The following GRIP1 variants were observed in gnomAD, a reference collection of about 807,000 sequenced individuals.
GRIP1 encodes glutamate receptor interacting protein 1.
Under a neutral mutation model 129.9 loss-of-function variants are expected in GRIP1, and 45 were observed. That is an observed-to-expected ratio of 0.35 (90% CI 0.27 to 0.44). The LOEUF (loss-of-function observed/expected upper bound fraction) is 0.44. Ranked by LOEUF, GRIP1 falls within the 20% of genes least tolerant of loss-of-function variation. GRIP1 has a pLI of 1.00. For missense variants in GRIP1, 1,196 were observed against 1,396.8 expected, an observed-to-expected ratio of 0.86 and a Z score of 2.29; for synonymous variants, 530 against 520.8, an observed-to-expected ratio of 1.02 and a Z score of -0.24.
intron 13 of GRIP1, among the ~76,000 whole-genome samples, chr12:66,443,735 C>CA (rs948052339): frequency 6.6e-6 from 1 of 152,158 alleles, no homozygotes; most frequent in African/African-American, 2.4e-5. Context: ...GGATTAAAGG[C>CA]ATGAGGTACC....
At chr12:66,698,736 C>T (rs927024117) in intron 1 of GRIP1, among the ~76,000 whole-genome samples, 1 of 152,110 alleles carries the variant, frequency 6.6e-6, no homozygotes, top group Non-Finnish European at 1.5e-5. Context: ...ATCTACCTAT[C>T]GTATCTAGCT....
intron 1 of GRIP1, among the ~76,000 whole-genome samples, chr12:66,690,665 T>C (rs1378271418): frequency 6.6e-6 from 1 of 151,094 alleles, no homozygotes; most frequent in East Asian, 2.0e-4. Flanking sequence ...CAGGAGTTTA[T>C]GACCAGCCTA....
intron 19 of GRIP1, among the ~76,000 whole-genome samples, chr12:66,381,547 T>C (rs941989799): frequency 6.6e-6 from 1 of 152,206 alleles, no homozygotes; most frequent in Admixed American, 6.5e-5. Context: ...AAAGAGCCAA[T>C]GCTAATTGGT....
At chr12:66,905,050 GTC>G (rs2040908733) in intron 1 of GRIP1, among the ~76,000 whole-genome samples, 1 of 152,190 alleles carries the variant, frequency 6.6e-6, no homozygotes, top group African/African-American at 2.4e-5. Context: ...ATATTGCTGA[GTC>G]TCTATGCATG....
rs771613471 is a variant in GRIP1, at chr12:66,371,725, A to G, written c.2981T>C (p.Ile994Thr). The G allele has an allele frequency of 2.5e-6, 4 of 1,611,604 alleles. No homozygotes were observed. The highest frequency in any genetic ancestry group is 1.7e-5 in the Admixed American group (1 of 60,002). ...LRKMKQEIKE[I>T]MSPTPVELHK... is the part of the protein sequence containing the mutation. Reference sequence around the variant, plus strand: ...CAGCTCCACAGGAGTTGGAGACATGATCTCCTTTATTTCTTGTTTCATTTT... The same window carrying G: ...CAGCTCCACAGGAGTTGGAGACATGGTCTCCTTTATTTCTTGTTTCATTTT... The change falls in exon 23 of 25, where the codon ATC (isoleucine) becomes ACC (threonine). Residue 994 changes from isoleucine to threonine, a missense_variant. Physicochemically the swap from Ile to Thr is moderately conservative, Grantham distance 89. Coordinates refer to ENST00000359742, the MANE Select transcript of GRIP1 (RefSeq NM_001366722.1).
Position 66,771,248 on chromosome 12 carries a change from T to C in GRIP1, c.-420+32805A>G, listed in dbSNP as rs1211139488. The stretch of plus-strand genomic sequence containing the variant: ...TCTCCCACTTAAATTCAGAAAATTC[T>C]TAAATTCGTTTTTAATGATGATACT... On this transcript the variant is annotated intron_variant, in intron 1 of 4. Coordinates refer to the GRIP1 transcript ENST00000538373. 3.3e-5 allele frequency among the ~76,000 whole-genome samples: 5 copies of C among 152,190 alleles called. No homozygotes were observed. In the East Asian group the frequency reaches 5.8e-4, roughly 18 times the overall value.
At chr12:67,045,863 CAT>C (rs1420222719) in intron 1 of GRIP1, among the ~76,000 whole-genome samples, 11 of 152,124 alleles carry the variant, frequency 7.2e-5, no homozygotes, top group Non-Finnish European at 1.2e-4. Flanking sequence ...AACCACATGC[CAT>C]GAGAGTGATC....
chr12:66,545,964 G>A (rs1385590030), intron 2 of GRIP1, among the ~76,000 whole-genome samples: 2 of 151,178 alleles, frequency 1.3e-5, no homozygotes, highest in Admixed American at 6.6e-5. Flanking sequence ...TAATTGGAGA[G>A]ACAAACATGT....
chr12:66,596,206 T>C (rs567024652), intron 2 of GRIP1, among the ~76,000 whole-genome samples: 49 of 152,352 alleles, frequency 3.2e-4, no homozygotes, highest in Non-Finnish European at 5.1e-4. Flanking sequence ...TCCTTTCCTC[T>C]TTAATTTCAG....
intron 1 of GRIP1, among the ~76,000 whole-genome samples, chr12:66,663,579 T>A (rs1179643017): frequency 1.3e-5 from 2 of 151,944 alleles, no homozygotes. Context: ...TGGAGGTATG[T>A]GTGGGGTGGG....
chr12:66,672,029 T>C (rs574020118), intron 1 of GRIP1, among the ~76,000 whole-genome samples: 1 of 152,332 alleles, frequency 6.6e-6, no homozygotes, highest in South Asian at 2.1e-4. Context: ...TGTGCTAATG[T>C]GCACAAATGG....
At chr12:66,741,273 G>T (rs1325194299) in intron 1 of GRIP1, among the ~76,000 whole-genome samples, 1 of 152,054 alleles carries the variant, frequency 6.6e-6, no homozygotes, top group South Asian at 2.1e-4. Flanking sequence ...ATTTCAAAGG[G>T]ATTGTCTGTA....
rs967855103 is a variant in GRIP1 at position 66,686,382 on chromosome 12, A to C, written c.-419-56046T>G. Among the ~76,000 whole-genome samples, 6 of 152,362 alleles carry C rather than the reference A, an allele frequency of 3.9e-5. No homozygotes were observed. In the South Asian group the frequency reaches 1.2e-3, roughly 32 times the overall value. On this transcript the variant is annotated intron_variant, in intron 1 of 4. Coordinates refer to the GRIP1 transcript ENST00000538373. ...GGTCTGTGTATGAAGGAAATACCAA[A>C]TACACATTCATCCTGATAGTAGATT...
At chr12:66,658,340 G>A (rs879351450) in intron 1 of GRIP1, among the ~76,000 whole-genome samples, 1 of 152,166 alleles carries the variant, frequency 6.6e-6, no homozygotes, top group Non-Finnish European at 1.5e-5. Flanking sequence ...AAATGTGAAG[G>A]AATGCCTAGT....
chr12:67,064,662 TCTC>T (rs1235995147), intron 1 of GRIP1, among the ~76,000 whole-genome samples: 3 of 152,186 alleles, frequency 2.0e-5, no homozygotes, highest in African/African-American at 7.2e-5. Context: ...GGTCACCAGA[TCTC>T]CTCGATATGG....
intron 11 of GRIP1, among the ~76,000 whole-genome samples, chr12:66,450,425 G>A (rs1315897495): frequency 2.1e-5 from 3 of 144,834 alleles, no homozygotes; most frequent in Non-Finnish European, 4.5e-5. Flanking sequence ...GACTTGCTAT[G>A]TTTTTTTAAA....
At chr12:66,785,327 C>CATATATATATATATATATATATATATAT (rs1415065185) in intron 1 of GRIP1, among the ~76,000 whole-genome samples, 1 of 38,500 alleles carries the variant, frequency 2.6e-5, no homozygotes, top group African/African-American at 7.8e-5. Context: ...TACATACATA[C>CATATATATATATATATATATATATATAT]ATACATACAT....
chr12:66,835,756 G>A (rs909492114), intron 1 of GRIP1, among the ~76,000 whole-genome samples: 2 of 152,206 alleles, frequency 1.3e-5, no homozygotes, highest in African/African-American at 2.4e-5. Context: ...GAATGGACAG[G>A]TGGAGCACAG....
At chr12:66,917,252 C>T (rs768223088) in intron 1 of GRIP1, among the ~76,000 whole-genome samples, 25 of 152,220 alleles carry the variant, frequency 1.6e-4, no homozygotes, top group Non-Finnish European at 3.4e-4. Context: ...CATGCTGCCA[C>T]TCTAATCAAT....
Sources: allele counts gnomAD v4.1 joint callset (sites outside exome capture counted in the v4.1 genomes callset), GRCh38; gene constraint gnomAD v4.1.1; transcripts MANE v1.5; gene names NCBI Gene and HGNC (gene_info 2026-07-23, HGNC 2026-07-21).